Variants in RUNDC3B observed in about 807,000 individuals in gnomAD.
RUNDC3B encodes the protein RUN domain containing 3B.
In RUNDC3B, 33 loss-of-function variants were observed where a neutral mutation model predicts 58.4. That is an observed-to-expected ratio of 0.56 (90% CI 0.43 to 0.75). The LOEUF (loss-of-function observed/expected upper bound fraction) is 0.75, where lower values mean the gene tolerates loss of function less well. Among genes scored for constraint, RUNDC3B ranks in the 30% least tolerant of loss-of-function variants. The pLI, the probability that RUNDC3B is intolerant of heterozygous loss-of-function variation, is 0.00. For missense variants in RUNDC3B, 501 were observed against 535.7 expected (o/e 0.94, Z 0.64); for synonymous variants, 193 against 195.2 (o/e 0.99, Z 0.10).
At chr7:87,798,107 T>C (rs1365184296) in intron 8 of RUNDC3B, among the ~76,000 whole-genome samples, 1 of 152,224 alleles carries the variant, frequency 6.6e-6, no homozygotes, top group Non-Finnish European at 1.5e-5. Flanking sequence ...CATTTTTCCC[T>C]TGCCTTCATG....
intron 8 of RUNDC3B, among the ~76,000 whole-genome samples, chr7:87,794,559 T>A (rs1449409063): frequency 2.6e-5 from 4 of 151,920 alleles, no homozygotes; most frequent in African/African-American, 9.7e-5. Context: ...ATGTCCATTG[T>A]ACCCAAAGAA....
chr7:87,741,221 AAAAAC>A (rs2130812406), intron 5 of RUNDC3B, among the ~76,000 whole-genome samples: 1 of 152,066 alleles, frequency 6.6e-6, no homozygotes, highest in African/African-American at 2.4e-5. Flanking sequence ...AAAGAAAAAA[AAAAAC>A]AAACAAAAAA....
At chr7:87,827,791 T>C (rs1021804530) in intron 10 of RUNDC3B, among the ~76,000 whole-genome samples, 1 of 152,182 alleles carries the variant, frequency 6.6e-6, no homozygotes, top group Non-Finnish European at 1.5e-5. Context: ...TATGGAACTT[T>C]ATAACCTGAA....
intron 6 of RUNDC3B, among the ~76,000 whole-genome samples, chr7:87,758,714 G>A (rs1833513764): frequency 1.3e-5 from 2 of 152,128 alleles, no homozygotes; most frequent in Admixed American, 1.3e-4. Context: ...ATGGTTAACA[G>A]GTACGTGAAA....
chr7:87,659,135 C>G (rs1824434214), intron 2 of RUNDC3B: 1 of 361,536 alleles, frequency 2.8e-6, no homozygotes, highest in Non-Finnish European at 5.4e-6. Flanking sequence ...GCAATCTAGC[C>G]TGGGCAATAG....
chr7:87,731,556 A>G (rs530174294), intron 4 of RUNDC3B, among the ~76,000 whole-genome samples: 2 of 152,342 alleles, frequency 1.3e-5, no homozygotes, highest in East Asian at 3.9e-4. Flanking sequence ...CATCCACTAA[A>G]AATAGAAGGA....
intron 6 of RUNDC3B, among the ~76,000 whole-genome samples, chr7:87,770,171 C>A (rs1834198228): frequency 6.6e-6 from 1 of 152,094 alleles, no homozygotes; most frequent in Admixed American, 6.5e-5. Context: ...GCTGGAACTG[C>A]TGTTGTCTGC....
chr7:87,711,960 C>T (rs559445085), intron 4 of RUNDC3B, among the ~76,000 whole-genome samples: 8 of 152,236 alleles, frequency 5.3e-5, no homozygotes, highest in Admixed American at 2.0e-4. Context: ...TCTCTGAGAT[C>T]TTAACTTCCA....
At chr7:87,737,612 G>A (rs929253885) in intron 4 of RUNDC3B, among the ~76,000 whole-genome samples, 2 of 151,970 alleles carry the variant, frequency 1.3e-5, no homozygotes, top group Non-Finnish European at 2.9e-5. Context: ...CTTAAGCTCA[G>A]AAGTACATCT....
At chr7:87,678,127 A>G (rs1826563705) in intron 2 of RUNDC3B, among the ~76,000 whole-genome samples, 1 of 152,218 alleles carries the variant, frequency 6.6e-6, no homozygotes, top group Non-Finnish European at 1.5e-5. Flanking sequence ...GAAACTGTGA[A>G]TATCTAAATA....
chr7:87,816,399 T>G, intron 10 of RUNDC3B, 137 bp downstream of exon 10: 1 of 636,794 alleles, frequency 1.6e-6, no homozygotes, highest in East Asian at 3.1e-5. Flanking sequence ...TGATTAAAAA[T>G]GGTCTGCCTT....
At chr7:87,732,071 C>A (rs1831611069) in intron 4 of RUNDC3B, among the ~76,000 whole-genome samples, 1 of 152,092 alleles carries the variant, frequency 6.6e-6, no homozygotes, top group Non-Finnish European at 1.5e-5. Context: ...ACTTTTCTGA[C>A]TACAAGGCGG....
Position 87,830,239 on chromosome 7 carries a change from TGAGA to T in RUNDC3B, c.*210_*213del, listed in dbSNP as rs1240296732. 1 of 352,376 alleles carries T rather than the reference TGAGA, an allele frequency of 2.8e-6. No homozygotes were observed. The highest frequency in any genetic ancestry group is 5.1e-6 in the Non-Finnish European group (1 of 197,776). 21.8% of individuals were successfully genotyped at this position (352,376 alleles called of 1,614,324 possible). ...TTTTTAAAATTCTTACATTTGTCAT[TGAGA>T]AAGTTCAAAATGGAATAGGCTTTAA... On this transcript the variant is annotated 3_prime_UTR_variant, in exon 11 of 11. Transcript: ENST00000394654.
intron 1 of RUNDC3B, among the ~76,000 whole-genome samples, chr7:87,637,844 A>T (rs902076559): frequency 6.6e-6 from 1 of 151,920 alleles, no homozygotes; most frequent in Non-Finnish European, 1.5e-5. Context: ...GTGCACAGTC[A>T]TGTCATTTGC....
At chr7:87,661,618 A>G (rs1019527457) in intron 2 of RUNDC3B, among the ~76,000 whole-genome samples, 1 of 151,888 alleles carries the variant, frequency 6.6e-6, no homozygotes. Context: ...TTATGGCTGA[A>G]TAGTACTCCC....
intron 9 of RUNDC3B, among the ~76,000 whole-genome samples, chr7:87,811,517 T>C (rs1371121993): frequency 2.0e-5 from 3 of 152,128 alleles, no homozygotes; most frequent in Non-Finnish European, 4.4e-5. Flanking sequence ...TTGTATTTTT[T>C]AGTAGAGATA....
At chr7:87,733,216 G>T (rs1339525421) in intron 4 of RUNDC3B, among the ~76,000 whole-genome samples, 1 of 152,284 alleles carries the variant, frequency 6.6e-6, no homozygotes, top group African/African-American at 2.4e-5. Flanking sequence ...TCTGGGATGG[G>T]AATCTTGGTG....
At chr7:87,759,122 T>C (rs1171890791) in intron 6 of RUNDC3B, among the ~76,000 whole-genome samples, 2 of 152,290 alleles carry the variant, frequency 1.3e-5, no homozygotes, top group Middle Eastern at 6.8e-3. Flanking sequence ...TAAAATGTGG[T>C]ATATATACAC....
intron 2 of RUNDC3B, among the ~76,000 whole-genome samples, chr7:87,694,821 A>G (rs974732533): frequency 6.6e-6 from 1 of 152,190 alleles, no homozygotes; most frequent in African/African-American, 2.4e-5. Context: ...AAAAAAGCCT[A>G]TTAAATTGAT....
Sources: allele counts gnomAD v4.1 joint callset (sites outside exome capture counted in the v4.1 genomes callset), GRCh38; gene constraint gnomAD v4.1.1; transcripts MANE v1.5; gene names NCBI Gene and HGNC (gene_info 2026-07-23, HGNC 2026-07-21).